MAGI2: variants seen among roughly 807,000 people sequenced by gnomAD.
MAGI2 encodes membrane-associated guanylate kinase, WW and PDZ domain-containing protein 2.
MAGI2 carries 35 observed loss-of-function variants against 133.3 expected under a neutral mutation model. That is an observed-to-expected ratio of 0.26 (90% CI 0.20 to 0.35). The LOEUF (loss-of-function observed/expected upper bound fraction) is 0.35. Ranked by LOEUF, MAGI2 falls within the 10% of genes least tolerant of loss-of-function variation. The pLI is 1.00. For missense variants in MAGI2, 1,636 were observed against 1,863.4 expected, an observed-to-expected ratio of 0.88 and a Z score of 2.25; for synonymous variants, 729 against 710.6, an observed-to-expected ratio of 1.03 and a Z score of -0.41.
chr7:78,572,910 A>C (rs1434423910), intron 3 of MAGI2, among the ~76,000 whole-genome samples: 2 of 149,090 alleles, frequency 1.3e-5, no homozygotes, highest in Non-Finnish European at 3.0e-5. Context: ...GATCCGCCTC[A>C]CTCGGCCTCA....
chr7:79,292,518 G>C (rs1007509018), intron 1 of MAGI2, among the ~76,000 whole-genome samples: 15 of 151,618 alleles, frequency 9.9e-5, no homozygotes, highest in Non-Finnish European at 1.9e-4. Context: ...TGTAATCCCA[G>C]CTACTCAGGA....
chr7:78,803,634 A>C (rs1272421393), intron 2 of MAGI2, among the ~76,000 whole-genome samples: 2 of 152,188 alleles, frequency 1.3e-5, no homozygotes, highest in African/African-American at 4.8e-5. Flanking sequence ...AAATGTCACT[A>C]ATGAAACATC....
At chr7:78,943,103 G>A (rs909639399) in intron 2 of MAGI2, among the ~76,000 whole-genome samples, 1 of 152,044 alleles carries the variant, frequency 6.6e-6, no homozygotes, top group Non-Finnish European at 1.5e-5. Flanking sequence ...TGTAAAATAA[G>A]GGAAGGTCTG....
chr7:78,115,054 T>C (rs1819724371), intron 20 of MAGI2, among the ~76,000 whole-genome samples: 1 of 152,132 alleles, frequency 6.6e-6, no homozygotes, highest in Non-Finnish European at 1.5e-5. Context: ...CATTGCTGAA[T>C]AGGGAAGAAA....
intron 1 of MAGI2, among the ~76,000 whole-genome samples, chr7:79,282,196 A>G (rs535144215): frequency 4.6e-5 from 7 of 152,302 alleles, no homozygotes; most frequent in African/African-American, 1.7e-4. Flanking sequence ...TTCATTAGGT[A>G]TATACAGCAC....
At chr7:79,378,924 G>GTATATATATATATA (rs745327540) in intron 1 of MAGI2, among the ~76,000 whole-genome samples, 7 of 48,216 alleles carry the variant, frequency 1.5e-4, no homozygotes, top group Non-Finnish European at 2.5e-4. Flanking sequence ...ATATGTGTGT[G>GTATATATATATATA]TGTATATATA....
intron 2 of MAGI2, among the ~76,000 whole-genome samples, chr7:78,655,454 CAA>C: frequency 8.0e-4 from 52 of 64,944 alleles, no homozygotes; most frequent in African/African-American, 1.6e-3. Flanking sequence ...AAAAAACAAC[CAA>C]AAAAAAAAAA....
intron 6 of MAGI2, among the ~76,000 whole-genome samples, chr7:78,433,630 G>C (rs1295602578): frequency 2.6e-5 from 4 of 152,100 alleles, no homozygotes; most frequent in Non-Finnish European, 5.9e-5. Flanking sequence ...GCAGGAAAGA[G>C]TGTTTTCTGT....
intron 21 of MAGI2, among the ~76,000 whole-genome samples, chr7:78,057,720 AGATT>A (rs1812739322): frequency 6.6e-6 from 1 of 151,860 alleles, no homozygotes; most frequent in Admixed American, 6.6e-5. Context: ...GGATGTAGAG[AGATT>A]GGGACATGGT....
At chr7:78,363,704 T>C (rs1793086963) in intron 7 of MAGI2, among the ~76,000 whole-genome samples, 1 of 152,034 alleles carries the variant, frequency 6.6e-6, no homozygotes, top group Non-Finnish European at 1.5e-5. Flanking sequence ...CTACATATTA[T>C]TGGTATATAC....
At chr7:79,323,514 G>C (rs982024537) in intron 1 of MAGI2, among the ~76,000 whole-genome samples, 4 of 152,120 alleles carry the variant, frequency 2.6e-5, no homozygotes, top group Non-Finnish European at 5.9e-5. Flanking sequence ...GATCTGGAGA[G>C]ACCAGTTGTG....
intron 1 of MAGI2, among the ~76,000 whole-genome samples, chr7:79,084,906 A>G (rs952564965): frequency 2.6e-5 from 4 of 151,648 alleles, no homozygotes; most frequent in African/African-American, 9.7e-5. Context: ...TTACCTCTTG[A>G]GCTTCATGAT....
chr7:78,638,810 A>G (rs1809958316), intron 2 of MAGI2, among the ~76,000 whole-genome samples: 1 of 152,208 alleles, frequency 6.6e-6, no homozygotes, highest in African/African-American at 2.4e-5. Flanking sequence ...TTTTAATTCA[A>G]TATTTAATTT....
chr7:78,916,795 G>T (rs976403045), intron 2 of MAGI2, among the ~76,000 whole-genome samples: 6 of 152,116 alleles, frequency 3.9e-5, no homozygotes, highest in Admixed American at 3.9e-4. Context: ...AATAATGCAG[G>T]CTCTTTTATG....
Position 78,687,969 on chromosome 7 carries a change from TAAAAAAA to T in MAGI2, c.419-60737_419-60731del, listed in dbSNP as rs72030909. ...TGGGCAAGAGAGTGAGTCCTTGCCT[TAAAAAAA>T]AAAAAAAAAAAAAAAAAAAAAAAAA... On this transcript the variant is annotated intron_variant, in intron 2 of 21. Coordinates refer to ENST00000354212, the MANE Select transcript of MAGI2 (RefSeq NM_012301.4). 9.7e-3 allele frequency among the ~76,000 whole-genome samples: 651 copies of T among 67,068 alleles called. 2 individuals are homozygous for T. Among genetic ancestry groups the T allele is most frequent in the African/African-American group, 0.033 (623 of 19,058 alleles). 44.0% of individuals were successfully genotyped at this position (67,068 alleles called of 152,430 possible).
At chr7:78,964,546 A>G (rs981972295) in intron 2 of MAGI2, among the ~76,000 whole-genome samples, 3 of 152,076 alleles carry the variant, frequency 2.0e-5, no homozygotes, top group African/African-American at 4.8e-5. Flanking sequence ...TTACTTTGAA[A>G]GAATTTTTGA....
chr7:78,216,095 G>A (rs1311304439), intron 10 of MAGI2, among the ~76,000 whole-genome samples: 1 of 152,222 alleles, frequency 6.6e-6, no homozygotes, highest in Non-Finnish European at 1.5e-5. Flanking sequence ...TAGCATCAAT[G>A]CTGAGACAGG....
In MAGI2 at chr7:78,367,496, T is replaced by C. The variant is rs188211473; in HGVS notation, c.1103+1660A>G. ...AAATAAAGTTTTATTGGAACGTAGC[T>C]GATGTTGCTGATGGTTGCTTTCAAG... On this transcript the variant is annotated intron_variant, in intron 7 of 21. Transcript: ENST00000354212. Among the ~76,000 whole-genome samples the C allele has an allele frequency of 2.6e-4, 39 of 152,306 alleles. No individual in the cohort carries two copies. In the East Asian group the frequency reaches 7.5e-3, roughly 29 times the overall value.
intron 2 of MAGI2, among the ~76,000 whole-genome samples, chr7:78,711,931 T>C (rs1253468605): frequency 6.6e-6 from 1 of 152,178 alleles, no homozygotes; most frequent in Non-Finnish European, 1.5e-5. Flanking sequence ...AATAGAAATA[T>C]GGCACCAACA....
Sources: gnomAD v4.1 joint callset for allele counts (sites outside exome capture counted in the v4.1 genomes callset) on GRCh38, gnomAD v4.1.1 for gene constraint, MANE v1.5 for transcripts, NCBI Gene and HGNC (gene_info 2026-07-23, HGNC 2026-07-21) for gene names.